SIK3: variants seen among roughly 807,000 people sequenced by gnomAD.
The protein encoded by SIK3 is SIK family kinase 3, also known as serine/threonine-protein kinase SIK3.
In SIK3, 28 loss-of-function variants were observed where a neutral mutation model predicts 144.2. The observed-to-expected ratio is 0.19, with a 90% CI of 0.14 to 0.27. SIK3 has a LOEUF of 0.27. Among genes scored for constraint, SIK3 ranks in the 10% least tolerant of loss-of-function variants. The probability of loss-of-function intolerance (pLI) is 1.00; values close to 1 mark genes in which losing one functional copy is unlikely to be tolerated. For synonymous variants in SIK3, 686 were observed against 676.3 expected, an observed-to-expected ratio of 1.01 and a Z score of -0.22; for missense variants, 1,319 against 1,776.0, an observed-to-expected ratio of 0.74 and a Z score of 4.62.
chr11:117,098,053 G>A (rs1565641965), intron 1 of SIK3, 90 bp downstream of exon 1: 3 of 1,164,486 alleles, frequency 2.6e-6, no homozygotes, highest in South Asian at 3.3e-5. Context: ...ACCACGCGCC[G>A]CGCTCGCCGC....
intron 1 of SIK3, among the ~76,000 whole-genome samples, chr11:117,081,345 C>CG: frequency 6.6e-6 from 1 of 152,200 alleles, no homozygotes; most frequent in African/African-American, 2.4e-5. Context: ...GGCTAGAGGC[C>CG]GGGCGCAGTG....
rs1246043443 is a variant in SIK3, at chr11:116,858,867, C to T, written c.2766-168G>A. ...CTATTTATTCCATTACTGGCTTGTC[C>T]AGTAACCTCCAAGGGACTGAGGGCA... is the stretch of plus-strand genomic sequence containing the variant. On this transcript the variant is annotated intron_variant, in intron 20 of 24. Coordinates refer to ENST00000445177, the MANE Select transcript of SIK3 (RefSeq NM_001366686.3). The surrounding 1 kb of genome is among the most constrained non-coding windows in gnomAD (Gnocchi z 5.4). 6.6e-6 allele frequency among the ~76,000 whole-genome samples: 1 copy of T among 152,108 alleles called. No homozygotes were observed. Among genetic ancestry groups the T allele is most frequent in the East Asian group, 1.9e-4 (1 of 5,182 alleles).
intron 1 of SIK3, among the ~76,000 whole-genome samples, chr11:117,076,944 C>T (rs1954572456): frequency 6.6e-6 from 1 of 152,166 alleles, no homozygotes; most frequent in African/African-American, 2.4e-5. Context: ...CTGCTTCAGG[C>T]CAGGAGTTTG....
At chr11:116,870,548 T>C (rs1219040725) in intron 13 of SIK3, 147 bp from the exon 14 acceptor site, 1 of 1,011,180 alleles carries the variant, frequency 9.9e-7, no homozygotes, top group Non-Finnish European at 1.4e-6. Flanking sequence ...AGGATTTTCA[T>C]ATACCTATTT....
chr11:117,013,063 G>A (rs909098741), intron 1 of SIK3, among the ~76,000 whole-genome samples: 21 of 151,852 alleles, frequency 1.4e-4, no homozygotes, highest in African/African-American at 5.1e-4. Flanking sequence ...CTACAGAAGA[G>A]CCCTTAAAAG....
chr11:117,043,029 A>C (rs1952813189), intron 1 of SIK3, among the ~76,000 whole-genome samples: 1 of 152,192 alleles, frequency 6.6e-6, no homozygotes, highest in African/African-American at 2.4e-5. Flanking sequence ...TAAATCAGTA[A>C]ATCTTTTTTC....
intron 1 of SIK3, among the ~76,000 whole-genome samples, chr11:117,011,909 T>TA (rs1951276831): frequency 1.3e-5 from 2 of 152,084 alleles, no homozygotes; most frequent in African/African-American, 4.8e-5. Flanking sequence ...CTCCAACTCT[T>TA]AAAAAATAAA....
intron 1 of SIK3, among the ~76,000 whole-genome samples, chr11:116,997,505 C>T (rs10892054): frequency 0.32 from 48,040 of 152,106 alleles, 8,662 homozygotes; most frequent in African/African-American, 0.5. Context: ...ACAGTACTTA[C>T]TGACTTAAAA....
chr11:116,886,659 T>G (rs1481122339), intron 6 of SIK3, among the ~76,000 whole-genome samples: 1 of 152,226 alleles, frequency 6.6e-6, no homozygotes, highest in African/African-American at 2.4e-5. Flanking sequence ...CACTGTAAAT[T>G]AATTTTCCTT....
chr11:116,915,324 A>G (rs1946577338), intron 4 of SIK3, among the ~76,000 whole-genome samples: 2 of 152,160 alleles, frequency 1.3e-5, no homozygotes, highest in Non-Finnish European at 2.9e-5. Context: ...GGAAGCCACA[A>G]ATATACTGAG....
intron 1 of SIK3, among the ~76,000 whole-genome samples, chr11:116,993,943 G>A (rs1490110352): frequency 6.6e-6 from 1 of 152,206 alleles, no homozygotes; most frequent in Non-Finnish European, 1.5e-5. Flanking sequence ...ACACATCCGT[G>A]ACGAAACAGA....
chr11:117,085,932 C>A (rs1273533498), intron 1 of SIK3, among the ~76,000 whole-genome samples: 1 of 152,014 alleles, frequency 6.6e-6, no homozygotes, highest in African/African-American at 2.4e-5. Flanking sequence ...CCAGCCTGGG[C>A]GACAGAGCAA....
chr11:116,991,128 C>G (rs1230500801), intron 1 of SIK3, among the ~76,000 whole-genome samples: 1 of 152,172 alleles, frequency 6.6e-6, no homozygotes, highest in Non-Finnish European at 1.5e-5. Context: ...GATTTAATAT[C>G]AGGCACTCTT....
intron 4 of SIK3, among the ~76,000 whole-genome samples, chr11:116,898,536 T>C (rs1565426155): frequency 6.6e-6 from 1 of 152,156 alleles, no homozygotes. Flanking sequence ...TCTAGATCCC[T>C]GAGGAATCAC....
intron 4 of SIK3, among the ~76,000 whole-genome samples, chr11:116,899,477 C>A (rs542183883): frequency 6.6e-5 from 10 of 152,280 alleles, no homozygotes; most frequent in African/African-American, 2.4e-4. Context: ...ATGACAAACA[C>A]ATCTATGACC....
chr11:117,002,103 G>A (rs1950874254), intron 1 of SIK3, among the ~76,000 whole-genome samples: 1 of 152,130 alleles, frequency 6.6e-6, no homozygotes, highest in Non-Finnish European at 1.5e-5. Context: ...TTTCAAACCT[G>A]TCTTTTTATC....
At position 117,070,981 on chromosome 11, in the gene SIK3, G is replaced by A. The variant is rs547432648; in HGVS notation, c.273+27162C>T. Among the ~76,000 whole-genome samples, 19 of 150,014 alleles carry A rather than the reference G, an allele frequency of 1.3e-4. No homozygotes were observed. The South Asian group carries it at 3.4e-3, about 27-fold the overall frequency. On this transcript the variant is annotated intron_variant, in intron 1 of 24. Transcript: ENST00000445177. ...GTTGGCCAGGTGATCCACCCACGTC[G>A]GCCTCCCAAAGTGCTGAGATTACAA...
intron 1 of SIK3, among the ~76,000 whole-genome samples, chr11:117,048,437 ACCTG>A (rs1442942665): frequency 6.6e-6 from 1 of 152,148 alleles, no homozygotes; most frequent in African/African-American, 2.4e-5. Context: ...TGGGCCGATC[ACCTG>A]CGGTTGGGAG....
intron 3 of SIK3, among the ~76,000 whole-genome samples, chr11:116,948,065 G>C (rs888888064): frequency 6.6e-6 from 1 of 151,474 alleles, no homozygotes; most frequent in African/African-American, 2.4e-5. Flanking sequence ...CTCTCGAGTA[G>C]CTGGGACTAC....
Sources: allele counts gnomAD v4.1 joint callset (sites outside exome capture counted in the v4.1 genomes callset), GRCh38; gene constraint gnomAD v4.1.1; non-coding constraint Gnocchi (gnomAD v3.1); transcripts MANE v1.5; gene names NCBI Gene and HGNC (gene_info 2026-07-23, HGNC 2026-07-21).